Variants in SLC44A5 observed in about 807,000 individuals in gnomAD.
The protein encoded by SLC44A5 is solute carrier family 44 member 5.
SLC44A5 carries 57 observed loss-of-function variants against 101.8 expected under a neutral mutation model. The observed-to-expected ratio is 0.56, with a 90% CI of 0.45 to 0.70. The LOEUF (loss-of-function observed/expected upper bound fraction) is 0.70. Among genes scored for constraint, SLC44A5 ranks in the 30% least tolerant of loss-of-function variants. The probability of loss-of-function intolerance (pLI) is 0.00; values close to 1 mark genes in which losing one functional copy is unlikely to be tolerated. For synonymous variants in SLC44A5, 281 were observed against 290.9 expected (o/e 0.97, Z 0.35); for missense variants, 737 against 853.1 (o/e 0.86, Z 1.70).
At chr1:75,608,653 T>C (rs1007550969) in intron 1 of SLC44A5, among the ~76,000 whole-genome samples, 1 of 152,028 alleles carries the variant, frequency 6.6e-6, no homozygotes, top group Non-Finnish European at 1.5e-5. Context: ...TTTCTATTTC[T>C]ATCCCCCTTA....
chr1:75,617,787 G>A, the SLC44A5 span, among the ~76,000 whole-genome samples: 4 of 152,046 alleles, frequency 2.6e-5, no homozygotes, highest in African/African-American at 9.7e-5. Flanking sequence ...ACTCTTCTAG[G>A]TCTTCAAATG....
intron 11 of SLC44A5, 23 bp from the exon 12 acceptor site, chr1:75,234,121 A>C: frequency 1.3e-6 from 2 of 1,546,196 alleles, no homozygotes; most frequent in Non-Finnish European, 1.8e-6. Flanking sequence ...CACAACAAAC[A>C]CAGTGGTCAA....
At chr1:75,635,474 C>T in the SLC44A5 span, among the ~76,000 whole-genome samples, 2 of 151,946 alleles carry the variant, frequency 1.3e-5, no homozygotes, top group East Asian at 3.9e-4. Flanking sequence ...GAATACTATG[C>T]AGCCATAAAA....
intron 2 of SLC44A5, among the ~76,000 whole-genome samples, chr1:75,525,350 T>C (rs1670352106): frequency 6.6e-6 from 1 of 152,154 alleles, no homozygotes; most frequent in Admixed American, 6.5e-5. Context: ...AATAAGAATA[T>C]CACTTATGGA....
At chr1:75,667,898 C>T in the SLC44A5 span, among the ~76,000 whole-genome samples, 1 of 152,044 alleles carries the variant, frequency 6.6e-6, no homozygotes, top group African/African-American at 2.4e-5. Flanking sequence ...TCTTTTTATT[C>T]GAAGAATATG....
chr1:75,342,505 C>T (rs17096776), intron 3 of SLC44A5, among the ~76,000 whole-genome samples: 14,814 of 151,884 alleles, frequency 0.098, 958 homozygotes, highest in African/African-American at 0.18. Flanking sequence ...ACTCAGCTAA[C>T]AAGAGGCGGA....
intron 2 of SLC44A5, among the ~76,000 whole-genome samples, chr1:75,463,212 G>A (rs1570353599): frequency 6.6e-6 from 1 of 152,166 alleles, no homozygotes; most frequent in African/African-American, 2.4e-5. Context: ...ACAAGGTCAG[G>A]AGATCGAGAC....
At chr1:75,659,501 G>GAAGGAAGGAAGGAAGA in the SLC44A5 span, among the ~76,000 whole-genome samples, 1 of 45,370 alleles carries the variant, frequency 2.2e-5, no homozygotes, top group East Asian at 2.4e-4. Context: ...AGGCAGGCAG[G>GAAGGAAGGAAGGAAGA]CAGGCAGGCA....
chr1:75,713,207 G>A, the SLC44A5 span, among the ~76,000 whole-genome samples: 1 of 152,148 alleles, frequency 6.6e-6, no homozygotes. Context: ...ATAGGAGACA[G>A]TGTATATTGA....
chr1:75,516,410 A>G (rs916164711), intron 2 of SLC44A5, among the ~76,000 whole-genome samples: 1 of 152,028 alleles, frequency 6.6e-6, no homozygotes, highest in Non-Finnish European at 1.5e-5. Context: ...CCAGCTACTC[A>G]GGAGGCTGAG....
chr1:75,583,459 G>C (rs1331228190), intron 1 of SLC44A5, among the ~76,000 whole-genome samples: 1 of 152,096 alleles, frequency 6.6e-6, no homozygotes, highest in African/African-American at 2.4e-5. Flanking sequence ...CTTTGCCCCA[G>C]TAGACAGCCC....
intron 3 of SLC44A5, among the ~76,000 whole-genome samples, chr1:75,368,486 G>T (rs772754946): frequency 2.0e-5 from 3 of 152,174 alleles, no homozygotes; most frequent in Non-Finnish European, 4.4e-5. Context: ...GACTGTATTT[G>T]TTAAGTAAAT....
chr1:75,531,866 T>C (rs1670741732), intron 2 of SLC44A5, among the ~76,000 whole-genome samples: 1 of 152,002 alleles, frequency 6.6e-6, no homozygotes, highest in African/African-American at 2.4e-5. Flanking sequence ...TGTCCCTATA[T>C]ACTCAAGAAA....
the SLC44A5 span, among the ~76,000 whole-genome samples, chr1:75,701,861 C>T: frequency 6.6e-6 from 1 of 152,080 alleles, no homozygotes; most frequent in Non-Finnish European, 1.5e-5. Context: ...TATATACCAA[C>T]AACAGACAAA....
chr1:75,238,952 T>A (rs1316313838), intron 9 of SLC44A5, among the ~76,000 whole-genome samples: 1 of 152,118 alleles, frequency 6.6e-6, no homozygotes, highest in Non-Finnish European at 1.5e-5. Flanking sequence ...CCATTCATGG[T>A]AAGCACATTT....
intron 2 of SLC44A5, among the ~76,000 whole-genome samples, chr1:75,403,248 A>G (rs1380630452): frequency 1.3e-5 from 2 of 152,192 alleles, no homozygotes; most frequent in Non-Finnish European, 2.9e-5. Flanking sequence ...CACCTGGGAG[A>G]AGAGGCAGCT....
At chr1:75,237,122 G>T in intron 10 of SLC44A5, 52 bp from the exon 11 acceptor site, 1 of 1,091,314 alleles carries the variant, frequency 9.2e-7, no homozygotes, top group South Asian at 1.4e-5. Flanking sequence ...CCACTAAACA[G>T]AAATGTTCTT....
intron 3 of SLC44A5, among the ~76,000 whole-genome samples, chr1:75,383,362 T>A (rs1270033522): frequency 6.7e-6 from 1 of 148,790 alleles, no homozygotes; most frequent in Admixed American, 6.7e-5. Flanking sequence ...CTTATTTCTT[T>A]CTCTATACTT....
intron 2 of SLC44A5, among the ~76,000 whole-genome samples, chr1:75,407,393 A>G (rs1172459267): frequency 4.6e-5 from 7 of 152,174 alleles, no homozygotes; most frequent in African/African-American, 1.2e-4. Flanking sequence ...AAAAGAGCCC[A>G]TATAGCCAAG....
Sources: gnomAD v4.1 joint callset for allele counts (sites outside exome capture counted in the v4.1 genomes callset) on GRCh38, gnomAD v4.1.1 for gene constraint, MANE v1.5 for transcripts, NCBI Gene and HGNC (gene_info 2026-07-23, HGNC 2026-07-21) for gene names.